Variants in CIP2A observed in about 807,000 individuals in gnomAD.
CIP2A encodes the protein cellular inhibitor of PP2A.
A neutral mutation model predicts 110.9 loss-of-function variants in CIP2A; 103 were observed. That is an observed-to-expected ratio of 0.93 (90% CI 0.79 to 1.09). The LOEUF is 1.09. Ranked by LOEUF, CIP2A falls within the 50% of genes least tolerant of loss-of-function variation. The probability of loss-of-function intolerance (pLI) is 0.00; values close to 1 mark genes in which losing one functional copy is unlikely to be tolerated. For synonymous variants in CIP2A, 381 were observed against 361.6 expected (o/e 1.05, Z -0.61); for missense variants, 1,088 against 1,038.4 (o/e 1.05, Z -0.66).
At chr3:108,566,473 T>G (rs1938185074) in intron 11 of CIP2A, 24 bp downstream of exon 11, 1 of 1,573,502 alleles carries the variant, frequency 6.4e-7, no homozygotes, top group Non-Finnish European at 8.6e-7. Flanking sequence ...CTTGCCATTT[T>G]GTCATTAGAG....
chr3:108,554,213 A>G (rs1041105150), intron 18 of CIP2A, among the ~76,000 whole-genome samples, 163 bp downstream of exon 18: 6 of 152,158 alleles, frequency 3.9e-5, no homozygotes, highest in African/African-American at 1.4e-4. Context: ...CAAAATTTCT[A>G]AGAACAGCAA....
At position 108,563,270 on chromosome 3, in the gene CIP2A, A is replaced by C. The variant is rs201982620; in HGVS notation, c.1516-26T>G. ...CTAAATAAATCAGAAACCAAAAAAG[A>C]AGCAGCAGAAAGAATAAACAATGTC... On this transcript the variant is annotated intron_variant, in intron 12 of 20. Coordinates refer to ENST00000295746, the MANE Select transcript of CIP2A (RefSeq NM_020890.3). 267 of 1,322,528 alleles carry C rather than the reference A, an allele frequency of 2.0e-4. No individual in the cohort carries two copies. The highest frequency in any genetic ancestry group is 8.6e-4 in the African/African-American group (59 of 68,992). The allele number at this position is 1,322,528 out of a possible 1,614,324, so 81.9% of individuals were successfully genotyped here. A position where few individuals can be genotyped will look rare whatever the true frequency, so the allele number is the denominator to read the frequency against.
At chr3:108,557,463 T>C in intron 16 of CIP2A, 49 bp from the exon 17 acceptor site, 1 of 1,351,082 alleles carries the variant, frequency 7.4e-7, no homozygotes. Context: ...CTATATCATA[T>C]GCTCAACACA....
chr3:108,554,957 G>A (rs891617200), intron 17 of CIP2A, among the ~76,000 whole-genome samples: 1 of 151,978 alleles, frequency 6.6e-6, no homozygotes, highest in African/African-American at 2.4e-5. Flanking sequence ...TAAGCACAAA[G>A]ATTTTTAAAA....
At chr3:108,566,406 C>A in intron 11 of CIP2A, 91 bp downstream of exon 11, 1 of 986,836 alleles carries the variant, frequency 1.0e-6, no homozygotes, top group Non-Finnish European at 1.5e-6. Context: ...TAAGTTATAA[C>A]CAAAGGATGG....
chr3:108,582,835 C>CT, intron 3 of CIP2A, 142 bp downstream of exon 3: 1 of 427,424 alleles, frequency 2.3e-6, no homozygotes, highest in Non-Finnish European at 4.3e-6. Flanking sequence ...GTGCAACCAG[C>CT]TTTTAATGAG....
chr3:108,581,853 A>C (rs1370858566), intron 4 of CIP2A, among the ~76,000 whole-genome samples: 1 of 152,174 alleles, frequency 6.6e-6, no homozygotes, highest in East Asian at 1.9e-4. Flanking sequence ...AATTCAGTCC[A>C]TAAATTTTTC....
At chr3:108,554,585 CA>C (rs1350431850) in intron 17 of CIP2A, 96 bp from the exon 18 acceptor site, 1 of 597,562 alleles carries the variant, frequency 1.7e-6, no homozygotes, top group Non-Finnish European at 3.0e-6. Context: ...CTCTTCTAAC[CA>C]AATTGCATAT....
chr3:108,564,903 T>C (rs1433222302), intron 12 of CIP2A, among the ~76,000 whole-genome samples: 2 of 151,890 alleles, frequency 1.3e-5, no homozygotes, highest in Non-Finnish European at 2.9e-5. Flanking sequence ...CTATTATCAT[T>C]GAAATTTGTG....
intron 1 of CIP2A, among the ~76,000 whole-genome samples, chr3:108,586,081 ACT>A (rs919382484): frequency 2.6e-5 from 4 of 152,036 alleles, no homozygotes; most frequent in South Asian, 2.1e-4. Context: ...AATAAGACTA[ACT>A]CTGTCCTGAA....
chr3:108,556,424 A>G (rs1442070977), intron 17 of CIP2A, among the ~76,000 whole-genome samples: 2 of 152,164 alleles, frequency 1.3e-5, no homozygotes, highest in African/African-American at 4.8e-5. Flanking sequence ...AAGAGTTTAT[A>G]AGGGAGGAAA....
chr3:108,564,537 C>G (rs1369241479), intron 12 of CIP2A, among the ~76,000 whole-genome samples: 1 of 151,908 alleles, frequency 6.6e-6, no homozygotes, highest in East Asian at 1.9e-4. Flanking sequence ...AGAAAGGAGT[C>G]ACTTGGATGA....
Position 108,560,022 on chromosome 3 carries a change from C to A in CIP2A, c.1834G>T (p.Asp612Tyr). The A allele has an allele frequency of 6.3e-7, 1 of 1,576,070 alleles. No homozygotes were observed. The highest frequency in any genetic ancestry group is 1.2e-5 in the South Asian group (1 of 86,468). Residue 612 changes from aspartate to tyrosine, a missense_variant, in exon 15 of 21, where the codon GAT becomes TAT. Physicochemically the swap from Asp to Tyr is radical, Grantham distance 160. Transcript: ENST00000295746. ...EKLQSGMVVK[D>Y]QICDVRISDI... The stretch of plus-strand genomic sequence containing the variant: ...GATATTCTCACATCACAAATCTGAT[C>A]CTTTACCTACATTTTAAGAGTAAAA...
intron 12 of CIP2A, among the ~76,000 whole-genome samples, chr3:108,564,535 G>A (rs1938115623): frequency 1.3e-5 from 2 of 151,928 alleles, no homozygotes; most frequent in Admixed American, 6.6e-5. Context: ...CCAGAAAGGA[G>A]TCACTTGGAT....
Position 108,557,276 on chromosome 3 carries a change from C to T in CIP2A, c.2152G>A (p.Glu718Lys). Reference sequence around the variant, plus strand: ...ATTTCATGTTCTTCAGCCACAGACTCTAACTTCCTATTATGTTGAAAGAGA... The same window carrying T: ...ATTTCATGTTCTTCAGCCACAGACTTTAACTTCCTATTATGTTGAAAGAGA... ...EHLFQHNRKL[E>K]SVAEEHEILT... The change falls in exon 17 of 21, where the codon GAG becomes AAG. Residue 718 changes from glutamate (E) to lysine (K), a missense_variant. Coordinates refer to ENST00000295746, the MANE Select transcript of CIP2A (RefSeq NM_020890.3). 1.2e-6 allele frequency: 2 copies of T among 1,609,954 alleles called. No individual in the cohort carries two copies. Among genetic ancestry groups the T allele is most frequent in the Non-Finnish European group, 1.7e-6 (2 of 1,177,290 alleles).
At chr3:108,578,977 C>T (rs13327575) in intron 7 of CIP2A, among the ~76,000 whole-genome samples, 2,914 of 152,118 alleles carry the variant, frequency 0.019, 104 homozygotes, top group African/African-American at 0.067. Flanking sequence ...AATCGTAATG[C>T]TACTTACGTT....
At chr3:108,567,169 C>T (rs1159107521) in intron 10 of CIP2A, among the ~76,000 whole-genome samples, 1 of 151,676 alleles carries the variant, frequency 6.6e-6, no homozygotes, top group Admixed American at 6.6e-5. Flanking sequence ...CAAACACACA[C>T]CACCTAATGA....
intron 11 of CIP2A, 134 bp downstream of exon 11, chr3:108,566,362 AT>A: frequency 1.6e-6 from 1 of 641,110 alleles, no homozygotes; most frequent in Non-Finnish European, 2.6e-6. Context: ...CAAAAAATTC[AT>A]TATGAAAATA....
chr3:108,579,300 T>G lies in CIP2A; in HGVS notation c.799A>C (p.Ile267Leu). Reference sequence around the variant, plus strand: ...TCATACCTGGTGAGATAATCAGCAATTTTAGGATTCTTAAGGAGATCCATC... The same window carrying G: ...TCATACCTGGTGAGATAATCAGCAAGTTTAGGATTCTTAAGGAGATCCATC... ...LLMDLLKNPK[I>L]ADYLTRYEHF... Residue 267 changes from isoleucine to leucine, a missense_variant, in exon 7 of 21, where the codon ATT becomes CTT. By Grantham distance (5) the Ile-to-Leu change is conservative. Coordinates refer to ENST00000295746, the MANE Select transcript of CIP2A (RefSeq NM_020890.3). 6.2e-7 allele frequency: 1 copy of G among 1,610,366 alleles called. No homozygotes were observed. Among genetic ancestry groups the G allele is most frequent in the Non-Finnish European group, 8.5e-7 (1 of 1,177,610 alleles).
Sources: allele counts gnomAD v4.1 joint callset (sites outside exome capture counted in the v4.1 genomes callset), GRCh38; gene constraint gnomAD v4.1.1; transcripts MANE v1.5; gene names NCBI Gene and HGNC (gene_info 2026-07-23, HGNC 2026-07-21).